The following ELAVL4 variants were observed in gnomAD, a reference collection of about 807,000 sequenced individuals.
ELAVL4 encodes the protein ELAV-like protein 4.
In ELAVL4, 1 loss-of-function variant was observed where a neutral mutation model predicts 35.6. That is an observed-to-expected ratio of 0.03 (90% CI 0.01 to 0.13). The LOEUF is 0.13. ELAVL4 is among the 10% of genes least tolerant of loss of function. The pLI, the probability that ELAVL4 is intolerant of heterozygous loss-of-function variation, is 1.00. For synonymous variants in ELAVL4, 156 were observed against 171.0 expected (o/e 0.91, Z 0.69); for missense variants, 267 against 464.9 (o/e 0.57, Z 3.91).
intron 1 of ELAVL4, among the ~76,000 whole-genome samples, chr1:50,070,695 C>A (rs1158313307): frequency 7.2e-6 from 1 of 138,444 alleles, no homozygotes; most frequent in Non-Finnish European, 1.5e-5. Flanking sequence ...GAGCAGAGAT[C>A]GTGCCACTGC....
At chr1:50,115,840 A>C (rs1667854569) in intron 1 of ELAVL4, among the ~76,000 whole-genome samples, 1 of 152,168 alleles carries the variant, frequency 6.6e-6, no homozygotes, top group African/African-American at 2.4e-5. Context: ...GGAACGTGGA[A>C]TCCAAGGTCA....
At chr1:50,055,466 A>C (rs1424458364) in intron 1 of ELAVL4, among the ~76,000 whole-genome samples, 1 of 151,508 alleles carries the variant, frequency 6.6e-6, no homozygotes, top group Admixed American at 6.6e-5. Context: ...CACCCAGCTA[A>C]TTTTTTGTAT....
At chr1:50,065,971 A>G (rs1049460032) in intron 1 of ELAVL4, among the ~76,000 whole-genome samples, 1 of 152,214 alleles carries the variant, frequency 6.6e-6, no homozygotes, top group Non-Finnish European at 1.5e-5. Flanking sequence ...AAAGTAAGGA[A>G]GAAGTGACAC....
upstream of ELAVL4, among the ~76,000 whole-genome samples, chr1:50,108,740 G>A (rs1666578532): frequency 6.6e-6 from 1 of 152,152 alleles, no homozygotes; most frequent in South Asian, 2.1e-4. Context: ...ACAAGAAGCA[G>A]TTCAGAAATC....
intron 2 of ELAVL4, among the ~76,000 whole-genome samples, chr1:50,168,084 G>T (rs990676113): frequency 7.9e-5 from 12 of 152,154 alleles, no homozygotes; most frequent in Admixed American, 2.0e-4. Context: ...TCCTAGAAAG[G>T]GGCTGTAGTG....
At chr1:50,093,679 A>G (rs1665591068) in intron 1 of ELAVL4, among the ~76,000 whole-genome samples, 1 of 152,202 alleles carries the variant, frequency 6.6e-6, no homozygotes, top group South Asian at 2.1e-4. Flanking sequence ...CCATTACCAG[A>G]CATTGGGAGC....
At chr1:50,133,639 G>GAAAGAAA (rs1321043008) in intron 1 of ELAVL4, among the ~76,000 whole-genome samples, 1 of 147,436 alleles carries the variant, frequency 6.8e-6, no homozygotes, top group East Asian at 2.0e-4. Context: ...AAGAAAGAAA[G>GAAAGAAA]AAAGAAAGAA....
At chr1:50,139,919 T>C (rs1191191551) in intron 1 of ELAVL4, among the ~76,000 whole-genome samples, 1 of 152,192 alleles carries the variant, frequency 6.6e-6, no homozygotes, top group Non-Finnish European at 1.5e-5. Flanking sequence ...ATTCAAACCA[T>C]CGACATTTAC....
At chr1:50,133,574 GAGAGAGAGAAAGAAAGAAAGAAAGA>G in intron 1 of ELAVL4, among the ~76,000 whole-genome samples, 1 of 136,608 alleles carries the variant, frequency 7.3e-6, no homozygotes, top group East Asian at 2.1e-4. Flanking sequence ...AAGAAAGAAA[GAGAGAGAGAAAGAAAGAAAGAAAGA>G]AAAGAAAGAA....
intron 1 of ELAVL4, among the ~76,000 whole-genome samples, chr1:50,048,667 G>A (rs1199920506): frequency 6.6e-6 from 1 of 152,206 alleles, no homozygotes; most frequent in African/African-American, 2.4e-5. Context: ...TCCTCAGGGG[G>A]CCCCTCTGTG....
intron 5 of ELAVL4, 150 bp downstream of exon 5, chr1:50,195,936 C>A: frequency 1.2e-6 from 1 of 866,626 alleles, no homozygotes; most frequent in Non-Finnish European, 1.7e-6. Flanking sequence ...GCCTCAGTTT[C>A]CATTCCTGTA....
chr1:50,151,436 CTT>C (rs1674768755), intron 2 of ELAVL4, among the ~76,000 whole-genome samples: 3 of 152,134 alleles, frequency 2.0e-5, no homozygotes, highest in African/African-American at 7.2e-5. Context: ...CTGATATTCT[CTT>C]TTCGTGAAAT....
chr1:50,173,342 G>A (rs1679378636), intron 2 of ELAVL4, among the ~76,000 whole-genome samples: 1 of 152,180 alleles, frequency 6.6e-6, no homozygotes, highest in Non-Finnish European at 1.5e-5. Context: ...AGATTTAAGA[G>A]CAGCTTGTTA....
chr1:50,177,535 C>A (rs1680257032), intron 3 of ELAVL4, among the ~76,000 whole-genome samples: 1 of 152,126 alleles, frequency 6.6e-6, no homozygotes, highest in Non-Finnish European at 1.5e-5. Context: ...CTGTTCCAGG[C>A]AGAGGAAACA....
intron 3 of ELAVL4, among the ~76,000 whole-genome samples, chr1:50,184,808 G>A (rs1681581415): frequency 6.6e-6 from 1 of 152,170 alleles, no homozygotes; most frequent in Admixed American, 6.5e-5. Flanking sequence ...CAGGATTTCA[G>A]TCCCACAGTG....
intron 2 of ELAVL4, among the ~76,000 whole-genome samples, chr1:50,164,987 G>A (rs1677487555): frequency 6.6e-6 from 1 of 152,114 alleles, no homozygotes; most frequent in Non-Finnish European, 1.5e-5. Context: ...CCAGTCTAGC[G>A]GGGAACAGAG....
At chr1:50,083,329 AC>A (rs1665093758) in intron 1 of ELAVL4, among the ~76,000 whole-genome samples, 1 of 151,932 alleles carries the variant, frequency 6.6e-6, no homozygotes, top group East Asian at 1.9e-4. Context: ...GCCTCCCCCA[AC>A]TGCCATTTCT....
chr1:50,063,438 C>T (rs1220261233), intron 1 of ELAVL4, among the ~76,000 whole-genome samples: 1 of 152,124 alleles, frequency 6.6e-6, no homozygotes, highest in Non-Finnish European at 1.5e-5. Context: ...ATGCTACTGC[C>T]ACTGTAGGAA....
intron 1 of ELAVL4, among the ~76,000 whole-genome samples, chr1:50,091,420 T>G (rs778821037): frequency 6.6e-6 from 1 of 152,178 alleles, no homozygotes; most frequent in South Asian, 2.1e-4. Flanking sequence ...ACAAGGCAGA[T>G]GTGGTAGGGA....
Sources: allele counts gnomAD v4.1 joint callset (sites outside exome capture counted in the v4.1 genomes callset), GRCh38; gene constraint gnomAD v4.1.1; transcripts MANE v1.5; gene names NCBI Gene and HGNC (gene_info 2026-07-23, HGNC 2026-07-21).